Variants in SLFN12 observed in about 807,000 individuals in gnomAD.
SLFN12 encodes the protein schlafen family member 12.
In SLFN12, 25 loss-of-function variants were observed where a neutral mutation model predicts 29.1. The ratio of observed to expected loss-of-function variants is 0.86; its 90% CI spans 0.63 to 1.20. The LOEUF is 1.20. Ranked by LOEUF, SLFN12 falls within the 50% of genes most tolerant of loss-of-function variation. SLFN12 has a pLI of 0.00. For synonymous variants in SLFN12, 257 were observed against 238.7 expected (o/e 1.08, Z -0.71); for missense variants, 660 against 666.2 (o/e 0.99, Z 0.10).
intron 3 of SLFN12, among the ~76,000 whole-genome samples, chr17:35,419,737 C>A (rs1222390879): frequency 3.3e-5 from 5 of 152,114 alleles, no homozygotes; most frequent in African/African-American, 1.2e-4. Flanking sequence ...CTTGAATATT[C>A]ACACACCTCC....
Position 35,422,023 on chromosome 17 carries a change from C to T in SLFN12, c.1006G>A (p.Glu336Lys), listed in dbSNP as rs1384957332. The stretch of plus-strand genomic sequence containing the variant: ...GCCTCCACCATGAACTGGATCCATT[C>T]CTTCCTGGTCAACTGCATCACACGG... The part of the protein sequence containing the change: ...DNRVMQLTRK[E>K]WIQFMVEAEP... Residue 336 changes from glutamate (E) to lysine (K), a missense_variant, in exon 2 of 4, where the codon GAA becomes AAA. Transcript: ENST00000304905. 6.2e-7 allele frequency: 1 copy of T among 1,614,068 alleles called. No individual in the cohort carries two copies. Among genetic ancestry groups the T allele is most frequent in the Admixed American group, 1.7e-5 (1 of 60,024 alleles).
In SLFN12 at chr17:35,422,258, G is replaced by C. The variant is rs754675558; in HGVS notation, c.771C>G (p.Leu257=). The C allele has an allele frequency of 2.5e-5, 41 of 1,614,056 alleles. No individual in the cohort carries two copies. The highest frequency in any genetic ancestry group is 3.4e-5 in the Non-Finnish European group (40 of 1,179,984). The change falls in exon 2 of 4, where the codon CTC becomes CTG. Residue 257 remains leucine, a synonymous_variant. Transcript: ENST00000304905. ...TTTCGATTTCTCTTTCTAAGTCATC[G>C]AGGTCACTCATCTCTGCTTTAAAGC... is the stretch of plus-strand genomic sequence containing the variant. ...IIGFKAEMSD[L]DDLEREIEKS...
At position 35,420,515 on chromosome 17, in the gene SLFN12, G is replaced by A. The variant is rs113276297; in HGVS notation, c.1040-134C>T. On this transcript the variant is annotated intron_variant, in intron 2 of 3. Coordinates refer to ENST00000304905, the MANE Select transcript of SLFN12 (RefSeq NM_018042.5). ...AAAAAAAATTAATGTTAGATATTGT[G>A]GTTAGATTCTTAGGTCAGATACAAA... 1.4e-5 allele frequency: 8 copies of A among 570,604 alleles called. 1 individual carries two copies. The highest frequency in any genetic ancestry group is 3.6e-5 in the Admixed American group (1 of 28,022). 35.3% of individuals were successfully genotyped at this position (570,604 alleles called of 1,614,324 possible). A position where few individuals can be genotyped will look rare whatever the true frequency, so the allele number is the denominator to read the frequency against.
intron 3 of SLFN12, among the ~76,000 whole-genome samples, chr17:35,413,740 A>G (rs1218550857): frequency 6.7e-6 from 1 of 148,392 alleles, no homozygotes; most frequent in African/African-American, 2.6e-5. Flanking sequence ...CAAGAGTGAA[A>G]CCATGTCTCA....
chr17:35,423,024 T>C lies in SLFN12; in HGVS notation c.5A>G (p.Asn2Ser). 6.2e-7 allele frequency: 1 copy of C among 1,607,890 alleles called. No homozygotes were observed. The highest frequency in any genetic ancestry group is 8.5e-7 in the Non-Finnish European group (1 of 1,176,890). M[N>S]ISVDLETNYA... ...ATTCGTTTCCAAATCAACACTGATGTTCATTTTCCCAGCAGCTATGCAGTG... is the reference window on the plus strand; with the variant it reads ...ATTCGTTTCCAAATCAACACTGATGCTCATTTTCCCAGCAGCTATGCAGTG... The change falls in exon 2 of 4, where the codon AAC becomes AGC. Residue 2 changes from asparagine (N) to serine (S), a missense_variant. Coordinates refer to ENST00000304905, the MANE Select transcript of SLFN12 (RefSeq NM_018042.5).
At chr17:35,427,377 T>C (rs1912074209) in intron 1 of SLFN12, among the ~76,000 whole-genome samples, 1 of 152,190 alleles carries the variant, frequency 6.6e-6, no homozygotes, top group African/African-American at 2.4e-5. Flanking sequence ...ACATCATTCC[T>C]GTCACCATTT....
intron 2 of SLFN12, among the ~76,000 whole-genome samples, chr17:35,421,253 TA>T (rs940882707): frequency 5.4e-5 from 8 of 146,864 alleles, no homozygotes; most frequent in Admixed American, 3.4e-4. Context: ...AATAAATAAA[TA>T]AATAGAAAGG....
chr17:35,418,317 C>T lies in SLFN12; in HGVS notation c.1147+1957G>A, dbSNP rs575720158. On this transcript the variant is annotated intron_variant, in intron 3 of 3. Coordinates refer to ENST00000304905, the MANE Select transcript of SLFN12 (RefSeq NM_018042.5). ...CCTTGAACAACATGGGTTTGAATTG[C>T]ATGGGTCCACTTACGCCAAGATCTT... Among the ~76,000 whole-genome samples, 120 of 152,216 alleles carry T rather than the reference C, an allele frequency of 7.9e-4. 1 individual carries two copies. The highest frequency in any genetic ancestry group is 2.8e-3 in the African/African-American group (118 of 41,552).
chr17:35,420,201 T>G, intron 3 of SLFN12, 73 bp downstream of exon 3: 17 of 1,064,970 alleles, frequency 1.6e-5, no homozygotes, highest in Non-Finnish European at 2.4e-5. Context: ...ATTTCAAGAC[T>G]GAGCTGGTTT....
intron 3 of SLFN12, 115 bp downstream of exon 3, chr17:35,420,159 C>A (rs1597773381): frequency 2.9e-6 from 2 of 678,058 alleles, no homozygotes; most frequent in East Asian, 2.8e-5. Context: ...CCAAAGAATT[C>A]TCATAAACAC....
intron 1 of SLFN12, among the ~76,000 whole-genome samples, chr17:35,424,031 G>T (rs1011977357): frequency 6.6e-6 from 1 of 152,086 alleles, no homozygotes; most frequent in African/African-American, 2.4e-5. Context: ...ATTTTGTTAT[G>T]GCGGCCTAAA....
chr17:35,418,953 C>T (rs1000622909), intron 3 of SLFN12, among the ~76,000 whole-genome samples: 36 of 151,940 alleles, frequency 2.4e-4, no homozygotes, highest in African/African-American at 7.5e-4. Flanking sequence ...CTGCAAGCTC[C>T]GCCTCCTGGA....
chr17:35,413,899 G>A (rs1294388706), intron 3 of SLFN12, among the ~76,000 whole-genome samples: 2 of 151,780 alleles, frequency 1.3e-5, no homozygotes, highest in African/African-American at 4.8e-5. Context: ...TCATATTAAC[G>A]GATACAGAAA....
intron 1 of SLFN12, among the ~76,000 whole-genome samples, chr17:35,429,960 C>T (rs1039138266): frequency 6.6e-6 from 1 of 152,012 alleles, no homozygotes; most frequent in Non-Finnish European, 1.5e-5. Context: ...ACCCACCAAG[C>T]CTGGCCTGAC....
At chr17:35,413,936 G>A (rs1326014300) in intron 3 of SLFN12, among the ~76,000 whole-genome samples, 1 of 151,822 alleles carries the variant, frequency 6.6e-6, no homozygotes, top group East Asian at 1.9e-4. Flanking sequence ...TCAACATTCT[G>A]TAATTTAAAA....
chr17:35,429,431 C>G (rs1439303659), intron 1 of SLFN12, among the ~76,000 whole-genome samples: 2 of 152,114 alleles, frequency 1.3e-5, no homozygotes, highest in Admixed American at 1.3e-4. Flanking sequence ...GGGGATTGAG[C>G]TTACCAAATC....
chr17:35,431,564 A>T (rs1011908389), intron 1 of SLFN12, among the ~76,000 whole-genome samples: 2 of 152,174 alleles, frequency 1.3e-5, no homozygotes, highest in African/African-American at 4.8e-5. Flanking sequence ...AGGATCCTCC[A>T]GAGCATCCCC....
At position 35,425,838 on chromosome 17, in the gene SLFN12, C is replaced by CTTTTTTTTTTTTTTTTTTTT. The variant is rs58492425; in HGVS notation, c.-40-2790_-40-2771dup. On this transcript the variant is annotated intron_variant, in intron 1 of 3. Transcript: ENST00000304905. Reference sequence around the variant, plus strand: ...GGTTCTTTTTCTTTTCTTTTCTTTTCTTTTTTTTTTTTTTTTTTTTTTTTT... The same window carrying CTTTTTTTTTTTTTTTTTTTT: ...GGTTCTTTTTCTTTTCTTTTCTTTTCTTTTTTTTTTTTTTTTTTTTTTTTTTTTTTTTTTTTTTTTTTTTT... Among the ~76,000 whole-genome samples, 65 of 39,154 alleles carry CTTTTTTTTTTTTTTTTTTTT rather than the reference C, an allele frequency of 1.7e-3. 3 individuals carry two copies. Among genetic ancestry groups the CTTTTTTTTTTTTTTTTTTTT allele is most frequent in the African/African-American group, 3.2e-3 (29 of 8,964 alleles). 25.7% of individuals were successfully genotyped at this position (39,154 alleles called of 152,430 possible).
At chr17:35,429,221 A>C (rs991301831) in intron 1 of SLFN12, among the ~76,000 whole-genome samples, 6 of 152,196 alleles carry the variant, frequency 3.9e-5, no homozygotes, top group Non-Finnish European at 5.9e-5. Context: ...AGATTGATTA[A>C]GGAGGGTGCT....
Sources: allele counts gnomAD v4.1 joint callset (sites outside exome capture counted in the v4.1 genomes callset), GRCh38; gene constraint gnomAD v4.1.1; transcripts MANE v1.5; gene names NCBI Gene and HGNC (gene_info 2026-07-23, HGNC 2026-07-21).